RUFY3: variants seen among roughly 807,000 people sequenced by gnomAD.
The protein encoded by RUFY3 is RUN and FYVE domain containing 3.
RUFY3 carries 34 observed loss-of-function variants against 84.0 expected under a neutral mutation model. The observed-to-expected ratio is 0.40, with a 90% CI of 0.31 to 0.54. The LOEUF is 0.54. Ranked by LOEUF, RUFY3 falls within the 20% of genes least tolerant of loss-of-function variation. RUFY3 has a pLI of 0.39. For missense variants in RUFY3, 507 were observed against 736.8 expected, an observed-to-expected ratio of 0.69 and a Z score of 3.61; for synonymous variants, 242 against 252.9, an observed-to-expected ratio of 0.96 and a Z score of 0.41.
At chr4:70,789,342 G>C (rs1399470702) in intron 11 of RUFY3, among the ~76,000 whole-genome samples, 153 bp from the exon 12 acceptor site, 1 of 152,158 alleles carries the variant, frequency 6.6e-6, no homozygotes, top group Non-Finnish European at 1.5e-5. Context: ...ACTAACTTTA[G>C]ATAAATTGCT....
At chr4:70,734,655 C>A in intron 1 of RUFY3, 1 of 707,048 alleles carries the variant, frequency 1.4e-6, no homozygotes, top group Non-Finnish European at 1.7e-6. Context: ...TGAGAAATAT[C>A]AGTAGCTCTG....
At chr4:70,723,049 A>G (rs1047418658) in intron 1 of RUFY3, among the ~76,000 whole-genome samples, 2 of 152,218 alleles carry the variant, frequency 1.3e-5, no homozygotes, top group African/African-American at 4.8e-5. Context: ...ATTCTATTCA[A>G]TAATGAGAAA....
intron 11 of RUFY3, 29 bp from the exon 12 acceptor site, chr4:70,789,466 A>C: frequency 1.9e-6 from 3 of 1,591,180 alleles, no homozygotes; most frequent in Non-Finnish European, 2.6e-6. Flanking sequence ...TATGTTATAC[A>C]GGTTGTTTAT....
At chr4:70,742,634 T>C (rs928505386) in intron 1 of RUFY3, among the ~76,000 whole-genome samples, 8 of 152,262 alleles carry the variant, frequency 5.3e-5, no homozygotes, top group African/African-American at 9.6e-5. Context: ...TTTTTACTTA[T>C]TCTCTAATTC....
chr4:70,721,946 A>C (rs1742350227), upstream of RUFY3: 1 of 1,231,978 alleles, frequency 8.1e-7, no homozygotes, highest in South Asian at 4.1e-5. Flanking sequence ...TGGTCACATG[A>C]GCCTGAATTT....
At chr4:70,765,312 A>G (rs1725704873) in intron 4 of RUFY3, among the ~76,000 whole-genome samples, 1 of 151,792 alleles carries the variant, frequency 6.6e-6, no homozygotes, top group Admixed American at 6.6e-5. Context: ...TTATTATATG[A>G]TTCCATTGTA....
chr4:70,793,386 G>A, intron 12 of RUFY3: 1 of 1,046,668 alleles, frequency 9.6e-7, no homozygotes, highest in Non-Finnish European at 1.2e-6. Flanking sequence ...GTGTAAAACA[G>A]AAAAATTAAG....
intron 1 of RUFY3, among the ~76,000 whole-genome samples, chr4:70,736,603 C>G (rs772686321): frequency 2.9e-4 from 44 of 150,670 alleles, no homozygotes; most frequent in Non-Finnish European, 5.8e-4. Context: ...CGGAGTTTTG[C>G]TCTTATTGTC....
At chr4:70,766,762 G>A (rs969206014) in intron 4 of RUFY3, among the ~76,000 whole-genome samples, 9 of 151,974 alleles carry the variant, frequency 5.9e-5, no homozygotes, top group African/African-American at 2.2e-4. Context: ...TCACATTAAG[G>A]TTTACTCTTG....
intron 5 of RUFY3, among the ~76,000 whole-genome samples, chr4:70,768,937 TACAC>T (rs1388752027): frequency 6.6e-6 from 1 of 152,088 alleles, no homozygotes; most frequent in Non-Finnish European, 1.5e-5. Flanking sequence ...TACACATACA[TACAC>T]ACACAAACAC....
chr4:70,753,487 T>G (rs1048106956), intron 1 of RUFY3, among the ~76,000 whole-genome samples: 1 of 152,214 alleles, frequency 6.6e-6, no homozygotes, highest in African/African-American at 2.4e-5. Flanking sequence ...AATCATGGAA[T>G]TATAATATGC....
chr4:70,743,797 T>TA (rs202153207), intron 1 of RUFY3, among the ~76,000 whole-genome samples: 153 of 147,714 alleles, frequency 1.0e-3, no homozygotes, highest in East Asian at 5.9e-3. Context: ...GAAAAGTAGT[T>TA]AAAAAAAAAA....
At chr4:70,778,233 T>C (rs1728296101) in intron 7 of RUFY3, 136 bp from the exon 8 acceptor site, 1 of 375,800 alleles carries the variant, frequency 2.7e-6, no homozygotes, top group Admixed American at 4.6e-5. Context: ...AGACTCCGTC[T>C]AAAAATAATA....
At chr4:70,791,593 G>A (rs1289124230) in intron 12 of RUFY3, 2 of 1,197,248 alleles carry the variant, frequency 1.7e-6, no homozygotes, top group African/African-American at 3.2e-5. Context: ...CTTTAAAAAA[G>A]CCTAGGGAAT....
intron 12 of RUFY3, chr4:70,789,796 TAG>T: frequency 8.2e-7 from 1 of 1,218,870 alleles, no homozygotes; most frequent in Non-Finnish European, 1.0e-6. Context: ...ATCACTTGAC[TAG>T]CCTTTAAAAA....
chr4:70,746,534 A>G (rs555552597), intron 1 of RUFY3, among the ~76,000 whole-genome samples: 2 of 151,712 alleles, frequency 1.3e-5, no homozygotes, highest in African/African-American at 4.8e-5. Flanking sequence ...AGTTATGTAC[A>G]TGGAAGACCA....
chr4:70,756,385 C>T (rs187009231), intron 1 of RUFY3, among the ~76,000 whole-genome samples: 1 of 152,316 alleles, frequency 6.6e-6, no homozygotes, highest in Admixed American at 6.5e-5. Context: ...GACATCACAT[C>T]CCACGTTAAA....
chr4:70,778,303 A>T, intron 7 of RUFY3, 66 bp from the exon 8 acceptor site: 1 of 747,040 alleles, frequency 1.3e-6, no homozygotes, highest in South Asian at 1.8e-5. Context: ...TGAAGGGTTT[A>T]AAAAGGAAGG....
chr4:70,762,132 A>G (rs563204785), intron 1 of RUFY3, among the ~76,000 whole-genome samples: 1 of 152,344 alleles, frequency 6.6e-6, no homozygotes, highest in Admixed American at 6.5e-5. Flanking sequence ...CCTGGGCAAC[A>G]AAGTGAGACC....
Sources: allele counts gnomAD v4.1 joint callset (sites outside exome capture counted in the v4.1 genomes callset), GRCh38; gene constraint gnomAD v4.1.1; transcripts MANE v1.5; gene names NCBI Gene and HGNC (gene_info 2026-07-23, HGNC 2026-07-21).